Variants in TRPV4 observed in about 807,000 individuals in gnomAD.
TRPV4 encodes the protein transient receptor potential cation channel subfamily V member 4, also known as OSM9-like transient receptor potential channel 4.
TRPV4 carries 58 observed loss-of-function variants against 84.1 expected under a neutral mutation model. That is an observed-to-expected ratio of 0.69 (90% CI 0.56 to 0.86). The LOEUF (loss-of-function observed/expected upper bound fraction) is 0.86, where lower values mean the gene tolerates loss of function less well. TRPV4 is among the 40% of genes least tolerant of loss of function. TRPV4 has a pLI of 0.00. For synonymous variants in TRPV4, 489 were observed against 500.9 expected, an observed-to-expected ratio of 0.98 and a Z score of 0.32; for missense variants, 879 against 1,181.1, an observed-to-expected ratio of 0.74 and a Z score of 3.75.
In TRPV4 at chr12:109,798,738, G is replaced by A. The variant is rs1378688714; in HGVS notation, c.1028C>T (p.Thr343Ile). The stretch of plus-strand genomic sequence containing the variant: ...GAGCAGCAGCAGGTCGTACATCTTG[G>A]TAACAAACTTGGTGTTCTCACGGGT... ...DNTRENTKFVTKMYDLLLLKC... is the reference protein window; with the variant it reads ...DNTRENTKFVIKMYDLLLLKC... The change falls in exon 6 of 16, where the codon ACC becomes ATC. Residue 343 changes from threonine (T) to isoleucine (I), a missense_variant. Around this residue, in one of 4 missense-constraint regions of TRPV4, gnomAD observed 521 missense variants for 686.6 expected, o/e 0.76. Coordinates refer to ENST00000261740, the MANE Select transcript of TRPV4 (RefSeq NM_021625.5). The surrounding 1 kb of genome is among the most constrained non-coding windows in gnomAD (Gnocchi z 5.0). The A allele has an allele frequency of 6.2e-7, 1 of 1,614,134 alleles. No homozygotes were observed. Among genetic ancestry groups the A allele is most frequent in the Admixed American group, 1.7e-5 (1 of 60,022 alleles).
intron 1 of TRPV4, among the ~76,000 whole-genome samples, chr12:109,830,381 AG>A: frequency 6.6e-6 from 1 of 152,254 alleles, no homozygotes. Flanking sequence ...TGCTTGACTC[AG>A]TGCTTGGCAC....
chr12:109,784,554 G>T, intron 14 of TRPV4, 117 bp from the exon 15 acceptor site: 1 of 1,502,102 alleles, frequency 6.7e-7, no homozygotes, highest in Non-Finnish European at 9.1e-7. Context: ...ACAAGGCTGG[G>T]CGTGGTGGCT....
intron 11 of TRPV4, 44 bp downstream of exon 11, chr12:109,792,608 C>A: frequency 1.2e-6 from 2 of 1,612,520 alleles, no homozygotes; most frequent in South Asian, 2.2e-5. Context: ...GTGTGTGACT[C>A]CCTCCAGGAA....
intron 1 of TRPV4, among the ~76,000 whole-genome samples, chr12:109,819,946 A>G (rs996311322): frequency 1.1e-4 from 17 of 152,204 alleles, no homozygotes; most frequent in African/African-American, 4.1e-4. Flanking sequence ...TAGAATATAT[A>G]TACTGAATGG....
chr12:109,807,393 C>CTT (rs377690733), intron 3 of TRPV4, among the ~76,000 whole-genome samples: 9,231 of 135,026 alleles, frequency 0.068, 514 homozygotes, highest in African/African-American at 0.13. Flanking sequence ...TATCACAATT[C>CTT]TTTTTTTTTT....
chr12:109,786,623 TG>T lies in TRPV4; in HGVS notation c.2336+86del. The stretch of plus-strand genomic sequence containing the variant: ...GCCTCAGTGGCTCCAGAAATTGCAA[TG>T]GGTAGACGACGCTGGAGCAGCAGGG... On this transcript the variant is annotated intron_variant, in intron 14 of 15. Coordinates refer to ENST00000261740, the MANE Select transcript of TRPV4 (RefSeq NM_021625.5). This position sits in a 1 kb window ranked among gnomAD's most constrained non-coding sequence, Gnocchi z 4.5. 1 of 1,557,750 alleles carries T rather than the reference TG, an allele frequency of 6.4e-7. No homozygotes were observed. The highest frequency in any genetic ancestry group is 8.7e-7 in the Non-Finnish European group (1 of 1,144,784).
intron 2 of TRPV4, among the ~76,000 whole-genome samples, chr12:109,813,815 C>G (rs1039066070): frequency 2.0e-5 from 3 of 146,472 alleles, no homozygotes; most frequent in Admixed American, 6.8e-5. Flanking sequence ...GATGAATAGA[C>G]GAGTAGATGG....
chr12:109,830,842 A>G (rs879828254), intron 1 of TRPV4, among the ~76,000 whole-genome samples: 6 of 152,206 alleles, frequency 3.9e-5, no homozygotes, highest in Non-Finnish European at 8.8e-5. Context: ...TCAGACAACC[A>G]TGCCATAGAT....
At chr12:109,824,456 G>A (rs964985966) in intron 1 of TRPV4, among the ~76,000 whole-genome samples, 5 of 151,890 alleles carry the variant, frequency 3.3e-5, no homozygotes, top group African/African-American at 1.2e-4. Context: ...GAGGAGGGAG[G>A]CATCAAATTC....
chr12:109,828,443 G>A (rs567660390), intron 1 of TRPV4, among the ~76,000 whole-genome samples: 5 of 152,304 alleles, frequency 3.3e-5, no homozygotes, highest in African/African-American at 4.8e-5. Context: ...ATTCCTGTCC[G>A]GCCACTGGGG....
At chr12:109,812,099 G>A (rs372821913) in intron 2 of TRPV4, among the ~76,000 whole-genome samples, 1 of 152,196 alleles carries the variant, frequency 6.6e-6, no homozygotes, top group African/African-American at 2.4e-5. Flanking sequence ...CACAAAGCAG[G>A]GAGTCTGCAG....
At position 109,800,734 on chromosome 12, in the gene TRPV4, A is replaced by G. The variant is rs1200887655; in HGVS notation, c.737T>C (p.Ile246Thr). ...CACGTAGTGTTTGCAGCGACGCTCA[A>G]TGGCGATGTGCAGGGCTGTCTGACC... ...YRGQTALHIAIERRCKHYVEL... is the reference protein window; with the variant it reads ...YRGQTALHIATERRCKHYVEL... The change falls in exon 5 of 16, where the codon ATT (isoleucine) becomes ACT (threonine). Residue 246 changes from isoleucine (I) to threonine (T), a missense_variant. By Grantham distance (89) the Ile-to-Thr change is moderately conservative. This residue lies in a region of TRPV4 where 521 missense variants were observed against 686.6 expected (regional missense o/e 0.76). Transcript: ENST00000261740. The G allele has an allele frequency of 3.1e-6, 5 of 1,605,422 alleles. No individual in the cohort carries two copies. The highest frequency in any genetic ancestry group is 1.7e-5 in the Admixed American group (1 of 59,642).
chr12:109,786,886 C>T lies in TRPV4; in HGVS notation c.2209-49G>A, dbSNP rs758923833. On this transcript the variant is annotated intron_variant, in intron 13 of 15. Coordinates refer to ENST00000261740, the MANE Select transcript of TRPV4 (RefSeq NM_021625.5). This position sits in a 1 kb window ranked among gnomAD's most constrained non-coding sequence, Gnocchi z 4.5. ...GGACATCGGTGAGCCTCACAGCCTGCGCCTGCCGCTCTGGTGGCAGAAATG... is the reference window on the plus strand; with the variant it reads ...GGACATCGGTGAGCCTCACAGCCTGTGCCTGCCGCTCTGGTGGCAGAAATG... 47 of 1,610,278 alleles carry T rather than the reference C, an allele frequency of 2.9e-5. No homozygotes were observed. Among genetic ancestry groups the T allele is most frequent in the East Asian group, 1.3e-4 (6 of 44,808 alleles).
At position 109,800,739 on chromosome 12, in the gene TRPV4, G is replaced by A. The variant is rs142647385; in HGVS notation, c.732C>T (p.Ile244=). 365 of 1,613,818 alleles carry A rather than the reference G, an allele frequency of 2.3e-4. No homozygotes were observed. Among genetic ancestry groups the A allele is most frequent in the Non-Finnish European group, 2.8e-4 (328 of 1,179,988 alleles). The part of the protein sequence containing the change: ...IYYRGQTALH[I]AIERRCKHYV... Reference sequence around the variant, plus strand: ...AGTGTTTGCAGCGACGCTCAATGGCGATGTGCAGGGCTGTCTGACCTGGGG... The same window carrying A: ...AGTGTTTGCAGCGACGCTCAATGGCAATGTGCAGGGCTGTCTGACCTGGGG... Residue 244 remains isoleucine, a synonymous_variant, in exon 5 of 16, where the codon ATC becomes ATT. Transcript: ENST00000261740.
At chr12:109,829,597 G>A (rs753276071) in intron 1 of TRPV4, among the ~76,000 whole-genome samples, 8 of 152,244 alleles carry the variant, frequency 5.3e-5, no homozygotes, top group Non-Finnish European at 1.2e-4. Context: ...CCCTGGAATG[G>A]GCCTGGGGAC....
chr12:109,785,028 T>C (rs1463971864), intron 14 of TRPV4, among the ~76,000 whole-genome samples: 2 of 152,120 alleles, frequency 1.3e-5, no homozygotes, highest in Non-Finnish European at 2.9e-5. Flanking sequence ...TTATTTTTTT[T>C]AACCTTCTTT....
At chr12:109,829,612 G>A (rs1437590489) in intron 1 of TRPV4, among the ~76,000 whole-genome samples, 5 of 152,234 alleles carry the variant, frequency 3.3e-5, no homozygotes. Context: ...GGGGACAAGG[G>A]GAGCTGACAC....
Position 109,798,861 on chromosome 12 carries a change from T to C in TRPV4, c.905A>G (p.Asn302Ser). 1 of 1,613,928 alleles carries C rather than the reference T, an allele frequency of 6.2e-7. No individual in the cohort carries two copies. Among genetic ancestry groups the C allele is most frequent in the Non-Finnish European group, 8.5e-7 (1 of 1,179,952 alleles). Reference sequence around the variant, plus strand: ...CTTGTGGGGGTTCTCCGTCAGGTAGTTGACAATGTGGGGCTGGTTGGTGCA... The same window carrying C: ...CTTGTGGGGGTTCTCCGTCAGGTAGCTGACAATGTGGGGCTGGTTGGTGCA... ...AACTNQPHIVNYLTENPHKKA... is the reference protein window; with the variant it reads ...AACTNQPHIVSYLTENPHKKA... Residue 302 changes from asparagine (N) to serine (S), a missense_variant, in exon 6 of 16, where the codon AAC (asparagine) becomes AGC (serine). This residue lies in a region of TRPV4 where 521 missense variants were observed against 686.6 expected (regional missense o/e 0.76). Transcript: ENST00000261740. This position sits in a 1 kb window ranked among gnomAD's most constrained non-coding sequence, Gnocchi z 5.0.
intron 1 of TRPV4, among the ~76,000 whole-genome samples, chr12:109,829,235 C>T (rs1892348477): frequency 6.6e-6 from 1 of 152,082 alleles, no homozygotes; most frequent in South Asian, 2.1e-4. Context: ...AAACTAAACA[C>T]TCAAGGTTGT....
Sources: allele counts gnomAD v4.1 joint callset (sites outside exome capture counted in the v4.1 genomes callset), GRCh38; gene constraint gnomAD v4.1.1; regional missense constraint gnomAD v4.1.1; non-coding constraint Gnocchi (gnomAD v3.1); transcripts MANE v1.5; gene names NCBI Gene and HGNC (gene_info 2026-07-23, HGNC 2026-07-21).